Variants in STK24 observed in about 807,000 individuals in gnomAD.
STK24 encodes the protein serine/threonine kinase 24, also known as serine/threonine-protein kinase 24.
A neutral mutation model predicts 55.6 loss-of-function variants in STK24; 21 were observed. The observed-to-expected ratio is 0.38, with a 90% CI of 0.27 to 0.54. The LOEUF is 0.54. Ranked by LOEUF, STK24 falls within the 20% of genes least tolerant of loss-of-function variation. The probability of loss-of-function intolerance (pLI) is 0.79; values close to 1 mark genes in which losing one functional copy is unlikely to be tolerated. For missense variants in STK24, 383 were observed against 538.4 expected (o/e 0.71, Z 2.86); for synonymous variants, 200 against 215.2 (o/e 0.93, Z 0.62).
chr13:98,478,187 C>G (rs897498832), intron 3 of STK24, among the ~76,000 whole-genome samples: 4 of 152,208 alleles, frequency 2.6e-5, no homozygotes, highest in African/African-American at 4.8e-5. Context: ...TGCTCTCCAT[C>G]ATTCAGGCAC....
chr13:98,461,686 C>T (rs908538744), intron 8 of STK24, 88 bp downstream of exon 8: 80 of 1,564,106 alleles, frequency 5.1e-5, no homozygotes, highest in Non-Finnish European at 6.6e-5. Flanking sequence ...AGGACCCCAG[C>T]CGCACCCACA....
intron 1 of STK24, among the ~76,000 whole-genome samples, chr13:98,567,606 A>G (rs1897620256): frequency 6.6e-6 from 1 of 152,182 alleles, no homozygotes; most frequent in South Asian, 2.1e-4. Flanking sequence ...ATAAGCAGAC[A>G]TGTATACTGC....
chr13:98,457,137 T>A (rs773659958), intron 10 of STK24, 31 bp downstream of exon 10: 1 of 1,600,670 alleles, frequency 6.2e-7, no homozygotes. Flanking sequence ...GGTCTCTCCT[T>A]CCCCAGCCCA....
At chr13:98,569,007 G>C (rs1013312514) in intron 1 of STK24, among the ~76,000 whole-genome samples, 1 of 152,154 alleles carries the variant, frequency 6.6e-6, no homozygotes, top group Admixed American at 6.5e-5. Context: ...GAAAAGATCT[G>C]AGTCGCTTCA....
intron 1 of STK24, among the ~76,000 whole-genome samples, chr13:98,551,606 C>G (rs1303133840): frequency 2.6e-5 from 4 of 152,074 alleles, no homozygotes; most frequent in Non-Finnish European, 5.9e-5. Context: ...GTGAAGAGAC[C>G]CACCTGCCTG....
intron 2 of STK24, among the ~76,000 whole-genome samples, chr13:98,495,340 G>C (rs1290618637): frequency 6.6e-6 from 1 of 152,046 alleles, no homozygotes; most frequent in Non-Finnish European, 1.5e-5. Context: ...ATTTACTCAG[G>C]AATATAGAAG....
intron 1 of STK24, among the ~76,000 whole-genome samples, chr13:98,535,403 AC>A (rs1896701607): frequency 1.3e-4 from 1 of 7,508 alleles, no homozygotes; most frequent in Non-Finnish European, 8.4e-4. Context: ...GTGTATACAC[AC>A]ACACACACAC....
At chr13:98,541,480 T>C (rs1896888618) in intron 1 of STK24, among the ~76,000 whole-genome samples, 1 of 152,156 alleles carries the variant, frequency 6.6e-6, no homozygotes, top group African/African-American at 2.4e-5. Flanking sequence ...ACTTTTGAGG[T>C]TGTGAGCAAA....
intron 9 of STK24, among the ~76,000 whole-genome samples, chr13:98,458,032 T>C (rs1486906760): frequency 2.6e-5 from 4 of 152,248 alleles, no homozygotes; most frequent in Non-Finnish European, 4.4e-5. Context: ...CTAATGTTAA[T>C]GGGTTGGTTC....
At chr13:98,520,508 A>G (rs1045375529) in intron 1 of STK24, among the ~76,000 whole-genome samples, 16 of 152,236 alleles carry the variant, frequency 1.1e-4, no homozygotes, top group Admixed American at 9.2e-4. Flanking sequence ...AGGAAAAGGA[A>G]CAAGCACAGG....
chr13:98,555,665 A>AT (rs1333337108), intron 1 of STK24, among the ~76,000 whole-genome samples: 1 of 151,222 alleles, frequency 6.6e-6, no homozygotes, highest in Non-Finnish European at 1.5e-5. Context: ...CGTCCTACAC[A>AT]TATCAGCCTC....
chr13:98,453,066 GGC>G lies in STK24; in HGVS notation c.*105_*106del, dbSNP rs1406544571. ...GCCTGGCGCTGGGGTGGCTCCCAGT[GGC>G]GCACCTCTTCGGTGGAGTCAGCGAA... On this transcript the variant is annotated 3_prime_UTR_variant, in exon 11 of 11. Coordinates refer to ENST00000539966, the MANE Select transcript of STK24 (RefSeq NM_001032296.4). 7.5e-7 allele frequency: 1 copy of G among 1,336,788 alleles called. No individual in the cohort carries two copies. The highest frequency in any genetic ancestry group is 1.1e-6 in the Non-Finnish European group (1 of 952,106). 82.8% of individuals were successfully genotyped at this position (1,336,788 alleles called of 1,614,324 possible).
chr13:98,494,959 G>T (rs1054160608), intron 2 of STK24, among the ~76,000 whole-genome samples: 1 of 152,172 alleles, frequency 6.6e-6, no homozygotes, highest in Admixed American at 6.5e-5. Context: ...CACCACCAAC[G>T]CCTCGGTGAA....
At chr13:98,469,919 C>A (rs114296742) in intron 5 of STK24, among the ~76,000 whole-genome samples, 2 of 152,178 alleles carry the variant, frequency 1.3e-5, no homozygotes, top group Non-Finnish European at 2.9e-5. Flanking sequence ...CCAATTACTT[C>A]GATTCCTAGG....
intron 1 of STK24, among the ~76,000 whole-genome samples, chr13:98,571,130 G>A (rs767568657): frequency 1.3e-5 from 2 of 152,204 alleles, no homozygotes; most frequent in African/African-American, 4.8e-5. Flanking sequence ...ACCATCGGAC[G>A]CCTGGACTGC....
chr13:98,533,543 G>T (rs1247469946), intron 1 of STK24, among the ~76,000 whole-genome samples: 1 of 149,464 alleles, frequency 6.7e-6, no homozygotes, highest in Non-Finnish European at 1.5e-5. Context: ...CCAGCTACTT[G>T]GAAGGCTGAG....
intron 2 of STK24, among the ~76,000 whole-genome samples, chr13:98,510,164 C>A (rs1895834762): frequency 6.6e-6 from 1 of 152,194 alleles, no homozygotes; most frequent in Non-Finnish European, 1.5e-5. Context: ...GGACTCCCAG[C>A]ACCAGAATGA....
chr13:98,576,928 C>G lies in STK24; in HGVS notation c.-142G>C. On this transcript the variant is annotated 5_prime_UTR_variant, in exon 1 of 11. Coordinates refer to ENST00000539966, the MANE Select transcript of STK24 (RefSeq NM_001032296.4). ...AGGCCACCCCAGCCCTGGCGGGTCCCGGCCGGGCGGCGGGGGCTCAGCGGC... is the reference window on the plus strand; with the variant it reads ...AGGCCACCCCAGCCCTGGCGGGTCCGGGCCGGGCGGCGGGGGCTCAGCGGC... 2.6e-5 allele frequency: 9 copies of G among 347,432 alleles called. No homozygotes were observed. The highest frequency in any genetic ancestry group is 3.6e-5 in the Non-Finnish European group (9 of 250,010). The allele number at this position is 347,432 out of a possible 1,614,324, so 21.5% of individuals were successfully genotyped here.
intron 1 of STK24, among the ~76,000 whole-genome samples, chr13:98,551,479 T>C (rs916257272): frequency 3.3e-5 from 5 of 151,542 alleles, no homozygotes; most frequent in African/African-American, 1.2e-4. Flanking sequence ...ACCTTTATCC[T>C]ACTCCAAACT....
Sources: allele counts gnomAD v4.1 joint callset (sites outside exome capture counted in the v4.1 genomes callset), GRCh38; gene constraint gnomAD v4.1.1; transcripts MANE v1.5; gene names NCBI Gene and HGNC (gene_info 2026-07-23, HGNC 2026-07-21).